The following CPZ variants were observed in gnomAD, a reference collection of about 807,000 sequenced individuals.
CPZ encodes carboxypeptidase Z, also known as VEZT/CPZ fusion.
In CPZ, 103 loss-of-function variants were observed where a neutral mutation model predicts 61.8. The observed-to-expected ratio is 1.67, with a 90% CI of 1.42 to 1.96. CPZ has a LOEUF of 1.96. Among genes scored for constraint, CPZ ranks in the 30% most tolerant of loss-of-function variants. The pLI, the probability that CPZ is intolerant of heterozygous loss-of-function variation, is 0.00. For missense variants in CPZ, 1,461 were observed against 914.9 expected (o/e 1.60, Z -7.70); for synonymous variants, 551 against 373.7 (o/e 1.47, Z -5.47).
At position 8,592,825 on chromosome 4, in the gene CPZ, C is replaced by A. The variant is rs920725013; in HGVS notation, c.-9C>A. 2 of 1,458,590 alleles carry A rather than the reference C, an allele frequency of 1.4e-6. No individual in the cohort carries two copies. Among genetic ancestry groups the A allele is most frequent in the South Asian group, 1.4e-5 (1 of 73,578 alleles). 90.4% of individuals were successfully genotyped at this position (1,458,590 alleles called of 1,614,324 possible). On this transcript the variant is annotated 5_prime_UTR_variant, in exon 1 of 11. Coordinates refer to ENST00000360986, the MANE Select transcript of CPZ (RefSeq NM_001014447.3). ...ACTGCGCTGGCCGTCCAAGGTCCGC[C>A]GCCCCACCATGCCGCCCCCGCTGCC... is the stretch of plus-strand genomic sequence containing the variant.
chr4:8,593,606 C>A (rs1307124491), intron 1 of CPZ, among the ~76,000 whole-genome samples: 1 of 152,168 alleles, frequency 6.6e-6, no homozygotes, highest in Non-Finnish European at 1.5e-5. Context: ...TCTAGCCAAC[C>A]GTGCTCAGGA....
rs1246627148 is a variant in CPZ, at chr4:8,619,538, C to T, written c.1880C>T (p.Ala627Val). Residue 627 changes from alanine (A) to valine (V), a missense_variant, in exon 11 of 11, where the codon GCC becomes GTC. By Grantham distance (64) the Ala-to-Val change is moderately conservative (BLOSUM62 0). Transcript: ENST00000360986. ...CTCCGGGCGCGCAGGCAGCCCTCGGCCGACGGGAGTAAGCCCTGGTGGTGG... is the reference window on the plus strand; with the variant it reads ...CTCCGGGCGCGCAGGCAGCCCTCGGTCGACGGGAGTAAGCCCTGGTGGTGG... ...DPLRARRQPSADGSKPWWWSY... is the reference protein window; with the variant it reads ...DPLRARRQPSVDGSKPWWWSY... The T allele has an allele frequency of 6.3e-7, 1 of 1,575,980 alleles. No individual in the cohort carries two copies. The highest frequency in any genetic ancestry group is 1.4e-5 in the African/African-American group (1 of 73,912).
At chr4:8,604,551 G>C (rs1560293424) in intron 4 of CPZ, among the ~76,000 whole-genome samples, 1 of 152,098 alleles carries the variant, frequency 6.6e-6, no homozygotes, top group Non-Finnish European at 1.5e-5. Context: ...GCACGATCTC[G>C]GCTCACTGCA....
Position 8,612,701 on chromosome 4 carries a change from C to T in CPZ, c.1363+539C>T, listed in dbSNP as rs145587356. Among the ~76,000 whole-genome samples the T allele has an allele frequency of 3.0e-3, 452 of 152,308 alleles. 1 individual carries two copies. The highest frequency in any genetic ancestry group is 5.6e-3 in the South Asian group (27 of 4,828). On this transcript the variant is annotated intron_variant, in intron 8 of 10. Transcript: ENST00000360986. ...GGCTGCACAGGAGCAATATAATGGG[C>T]ATATGCCACTGTGTGTCCTGAGGGG...
chr4:8,618,628 T>A, intron 10 of CPZ, 100 bp downstream of exon 10: 2 of 1,119,816 alleles, frequency 1.8e-6, no homozygotes, highest in African/African-American at 1.5e-5. Context: ...TGCCCAGCCC[T>A]CAGCAGGATG....
chr4:8,599,674 A>G, intron 2 of CPZ, 189 bp downstream of exon 2: 5 of 1,420,672 alleles, frequency 3.5e-6, no homozygotes, highest in South Asian at 1.5e-5. Context: ...AAGACCAGCT[A>G]GGAAAAGGTG....
In CPZ at chr4:8,601,416, G is replaced by T; in HGVS notation, c.415G>T (p.Ala139Ser). ...CQPAFDAIDM[A>S]WPYFLDCHRY... Reference sequence around the variant, plus strand: ...GCCCGCCTTCGACGCCATTGACATGGCCTGGCCCTACTTCCTTGACTGCCA... The same window carrying T: ...GCCCGCCTTCGACGCCATTGACATGTCCTGGCCCTACTTCCTTGACTGCCA... Residue 139 changes from alanine to serine, a missense_variant, in exon 3 of 11, where the codon GCC (alanine) becomes TCC (serine). Physicochemically the swap from Ala to Ser is moderately conservative, Grantham distance 99. Transcript: ENST00000360986. 1 of 1,576,676 alleles carries T rather than the reference G, an allele frequency of 6.3e-7. No homozygotes were observed. Among genetic ancestry groups the T allele is most frequent in the Non-Finnish European group, 8.6e-7 (1 of 1,159,692 alleles).
chr4:8,606,964 C>A, intron 6 of CPZ, 66 bp downstream of exon 6: 3 of 1,502,996 alleles, frequency 2.0e-6, no homozygotes, highest in Middle Eastern at 1.8e-4. Flanking sequence ...TTATTCCAGG[C>A]TCTCTGGAGT....
Position 8,607,400 on chromosome 4 carries a change from T to G in CPZ, c.1202T>G (p.Met401Arg), listed in dbSNP as rs1577117354. 3 of 1,613,778 alleles carry G rather than the reference T, an allele frequency of 1.9e-6. No homozygotes were observed. The highest frequency in any genetic ancestry group is 2.5e-6 in the Non-Finnish European group (3 of 1,179,852). The change falls in exon 7 of 11, where the codon ATG (methionine) becomes AGG (arginine). Residue 401 changes from methionine to arginine, a missense_variant. Coordinates refer to ENST00000360986, the MANE Select transcript of CPZ (RefSeq NM_001014447.3). Reference sequence around the variant, plus strand: ...TCCAAGCACCCCCAGGAGGAGAAGATGTTTTCTCCCACGCCCGACGAGAAG... The same window carrying G: ...TCCAAGCACCCCCAGGAGGAGAAGAGGTTTTCTCCCACGCCCGACGAGAAG... ...DFSKHPQEEKMFSPTPDEKMF... is the reference protein window; with the variant it reads ...DFSKHPQEEKRFSPTPDEKMF...
intron 7 of CPZ, among the ~76,000 whole-genome samples, chr4:8,610,290 T>A (rs1577121910): frequency 6.6e-6 from 1 of 152,216 alleles, no homozygotes; most frequent in Non-Finnish European, 1.5e-5. Context: ...GTCCTTGTCC[T>A]GCACCTGCCC....
chr4:8,607,199 G>A, intron 6 of CPZ, 68 bp from the exon 7 acceptor site: 3 of 1,540,234 alleles, frequency 1.9e-6, no homozygotes, highest in South Asian at 1.2e-5. Context: ...GGCTGCTGAA[G>A]CCCAGGGCAT....
intron 9 of CPZ, among the ~76,000 whole-genome samples, chr4:8,616,451 C>T (rs1277192737): frequency 6.6e-6 from 1 of 152,152 alleles, no homozygotes; most frequent in Admixed American, 6.5e-5. Context: ...AGCCCCTGCT[C>T]TCGGGTGGGG....
intron 1 of CPZ, among the ~76,000 whole-genome samples, chr4:8,595,671 G>C (rs915412752): frequency 2.0e-5 from 3 of 152,364 alleles, no homozygotes; most frequent in East Asian, 3.9e-4. Flanking sequence ...CTTGCTGATT[G>C]TTGGGGGAAG....
At chr4:8,613,188 G>C (rs1715861537) in intron 8 of CPZ, among the ~76,000 whole-genome samples, 1 of 148,542 alleles carries the variant, frequency 6.7e-6, no homozygotes, top group South Asian at 2.1e-4. Flanking sequence ...CTGGAGCACA[G>C]TGGTGCGATC....
rs142705871 is a variant in CPZ, at chr4:8,607,344, C to T, written c.1146C>T (p.Gly382=). The T allele has an allele frequency of 2.7e-3, 4,343 of 1,614,078 alleles. 14 individuals are homozygous for T. Among genetic ancestry groups the T allele is most frequent in the Non-Finnish European group, 2.7e-3 (3,193 of 1,179,966 alleles). Residue 382 remains glycine (G), a synonymous_variant, in exon 7 of 11, where the codon GGC becomes GGT. Coordinates refer to ENST00000360986, the MANE Select transcript of CPZ (RefSeq NM_001014447.3). ...PFVLSASLHG[G]DLVVSYPFDF... ...TGCTCTCAGCCAGCCTTCATGGGGG[C>T]GACCTGGTGGTGTCCTACCCCTTCG...
chr4:8,610,912 G>C (rs994180429), intron 7 of CPZ, among the ~76,000 whole-genome samples: 22 of 152,180 alleles, frequency 1.4e-4, no homozygotes, highest in African/African-American at 5.3e-4. Flanking sequence ...TCACGTCTGG[G>C]AGTCCGAGTC....
chr4:8,599,642 G>A (rs1714428821), intron 2 of CPZ, 157 bp downstream of exon 2: 1 of 1,452,490 alleles, frequency 6.9e-7, no homozygotes, highest in African/African-American at 1.4e-5. Context: ...AACAGCCAGA[G>A]AAAAATTAGA....
chr4:8,606,254 G>A lies in CPZ; in HGVS notation c.906+69G>A, dbSNP rs1714993490. Reference sequence around the variant, plus strand: ...CACCCCCTCATTCATCCATTTATGAGTAGTTTATCCCAGCAGTGCTTCGTT... The same window carrying A: ...CACCCCCTCATTCATCCATTTATGAATAGTTTATCCCAGCAGTGCTTCGTT... On this transcript the variant is annotated intron_variant, in intron 5 of 10. Transcript: ENST00000360986. The A allele has an allele frequency of 5.5e-6, 8 of 1,454,552 alleles. No homozygotes were observed. The East Asian group carries it at 1.2e-4, about 22-fold the overall frequency. The allele number at this position is 1,454,552 out of a possible 1,614,324, so 90.1% of individuals were successfully genotyped here.
At chr4:8,600,835 C>G in intron 2 of CPZ, 1 of 910,002 alleles carries the variant, frequency 1.1e-6, no homozygotes, top group Non-Finnish European at 1.4e-6. Flanking sequence ...TTCACGGGCC[C>G]TTGTGTGGCA....
Sources: allele counts gnomAD v4.1 joint callset (sites outside exome capture counted in the v4.1 genomes callset), GRCh38; gene constraint gnomAD v4.1.1; transcripts MANE v1.5; gene names NCBI Gene and HGNC (gene_info 2026-07-23, HGNC 2026-07-21).